CCDC66: variants seen among roughly 807,000 people sequenced by gnomAD.
CCDC66 encodes the protein coiled-coil domain containing 66, also known as coiled-coil domain-containing protein 66.
CCDC66 carries 133 observed loss-of-function variants against 128.3 expected under a neutral mutation model. The ratio of observed to expected loss-of-function variants is 1.04; its 90% CI spans 0.90 to 1.20. The LOEUF is 1.20. Among genes scored for constraint, CCDC66 ranks in the 50% most tolerant of loss-of-function variants. The pLI, the probability that CCDC66 is intolerant of heterozygous loss-of-function variation, is 0.00. For synonymous variants in CCDC66, 387 were observed against 357.0 expected, an observed-to-expected ratio of 1.08 and a Z score of -0.95; for missense variants, 1,126 against 1,075.5, an observed-to-expected ratio of 1.05 and a Z score of -0.66.
intron 10 of CCDC66, among the ~76,000 whole-genome samples, chr3:56,612,715 G>A (rs778782313): frequency 3.9e-5 from 6 of 152,162 alleles, no homozygotes; most frequent in Admixed American, 6.5e-5. Flanking sequence ...GTGGGTGCCA[G>A]CTGTGATGGT....
At position 56,559,559 on chromosome 3, in the gene CCDC66, T is replaced by G; in HGVS notation, c.77-10T>G. The G allele has an allele frequency of 6.6e-7, 1 of 1,523,904 alleles. No individual in the cohort carries two copies. Among genetic ancestry groups the G allele is most frequent in the South Asian group, 1.2e-5 (1 of 80,208 alleles). The allele number at this position is 1,523,904 out of a possible 1,614,324, so 94.4% of individuals were successfully genotyped here. A position where few individuals can be genotyped will look rare whatever the true frequency, so the allele number is the denominator to read the frequency against. On this transcript the variant is annotated splice_polypyrimidine_tract_variant and intron_variant, in intron 2 of 17. Transcript: ENST00000394672. ...GTGGATAGTTTAGTAATTTCTTTTT[T>G]CTTTTGTAGAACATAAATCAAAAAT...
At position 56,617,444 on chromosome 3, in the gene CCDC66, CAGAG is replaced by C; in HGVS notation, c.2180_2183del (p.Arg727LysfsTer5). The C allele has an allele frequency of 6.2e-7, 1 of 1,613,678 alleles. No homozygotes were observed. Among genetic ancestry groups the C allele is most frequent in the Non-Finnish European group, 8.5e-7 (1 of 1,179,890 alleles). On this transcript the variant is annotated frameshift_variant, in exon 14 of 18. Coordinates refer to ENST00000394672, the MANE Select transcript of CCDC66 (RefSeq NM_001141947.3). LOFTEE classifies it high-confidence loss of function. ...AAAGTACCCTAAACAGCTTCAAAAG[CAGAG>C]AGAAGAAAAAAAAGTAAGGAGGCAG...
At chr3:56,595,836 T>C (rs1304462166) in intron 10 of CCDC66, among the ~76,000 whole-genome samples, 1 of 152,246 alleles carries the variant, frequency 6.6e-6, no homozygotes, top group Non-Finnish European at 1.5e-5. Flanking sequence ...TTATTTACAT[T>C]CCCACTAACA....
At chr3:56,588,082 T>C (rs2070140184) in intron 7 of CCDC66, among the ~76,000 whole-genome samples, 1 of 152,088 alleles carries the variant, frequency 6.6e-6, no homozygotes, top group South Asian at 2.1e-4. Context: ...AACTGTGAGA[T>C]AGATATAGAT....
In CCDC66 at chr3:56,558,872, T is replaced by C. The variant is rs775041959; in HGVS notation, c.38T>C (p.Leu13Ser). 2 of 1,549,766 alleles carry C rather than the reference T, an allele frequency of 1.3e-6. No individual in the cohort carries two copies. Among genetic ancestry groups the C allele is most frequent in the South Asian group, 2.4e-5 (2 of 83,932 alleles). Residue 13 changes from leucine (L) to serine (S), a missense_variant, in exon 2 of 18, where the codon TTA (leucine) becomes TCA (serine). Transcript: ENST00000394672. The part of the protein sequence containing the change: ...LGDGLKLETE[L>S]LDGKTKLILS... ...GATGGTTTAAAGCTTGAAACTGAAT[T>C]ACTGGATGGAAAAACCAAGCTAATA...
At chr3:56,563,267 A>G (rs1031598489) in intron 3 of CCDC66, among the ~76,000 whole-genome samples, 1 of 152,052 alleles carries the variant, frequency 6.6e-6, no homozygotes, top group Non-Finnish European at 1.5e-5. Context: ...TGGCTGAGGC[A>G]GGAGAATTGC....
rs746553341 is a variant in CCDC66 at position 56,566,771 on chromosome 3, C to T, written c.710+12C>T. 5.1e-5 allele frequency: 82 copies of T among 1,603,034 alleles called. No individual in the cohort carries two copies. The highest frequency in any genetic ancestry group is 6.0e-6 in the Non-Finnish European group (7 of 1,174,362). ...CAAAAAATTGCCATGTATGTAACTC[C>T]TATCTGTTGTTATTGTGTGGTCATC... On this transcript the variant is annotated intron_variant, in intron 5 of 17. Transcript: ENST00000394672.
intron 10 of CCDC66, among the ~76,000 whole-genome samples, chr3:56,607,174 T>G (rs542101062): frequency 6.6e-6 from 1 of 152,316 alleles, no homozygotes; most frequent in Admixed American, 6.5e-5. Flanking sequence ...TCTAACTCTG[T>G]GAAGAATGAT....
rs1015329 is a variant in CCDC66 at position 56,619,853 on chromosome 3, T to C, written c.2712T>C (p.Asn904=). ...DPLLNPNMVK[N]RDRQQAILKG... is the part of the protein sequence containing the mutation. ...TTCTTAATCCTAACATGGTGAAAAA[T>C]AGGGATCGACAGCAAGCAATCCTTA... Residue 904 remains asparagine (N), a synonymous_variant, in exon 17 of 18, where the codon AAT becomes AAC. Coordinates refer to ENST00000394672, the MANE Select transcript of CCDC66 (RefSeq NM_001141947.3). 4,906 of 1,614,052 alleles carry C rather than the reference T, an allele frequency of 3.0e-3. 133 individuals carry two copies. The African/African-American group carries it at 0.057, about 19-fold the overall frequency.
intron 7 of CCDC66, among the ~76,000 whole-genome samples, chr3:56,585,095 AGGGAGACCATGGGGAGGGGGAGG>A: frequency 7.7e-6 from 1 of 130,642 alleles, no homozygotes; most frequent in South Asian, 2.8e-4. Context: ...AGAGAGGGAG[AGGGAGACCATGGGGAGGGGGAGG>A]GGGAGAGGGA....
Position 56,563,861 on chromosome 3 carries a change from G to T in CCDC66, c.280G>T (p.Asp94Tyr). 3.1e-6 allele frequency: 5 copies of T among 1,596,214 alleles called. No homozygotes were observed. Among genetic ancestry groups the T allele is most frequent in the Non-Finnish European group, 4.3e-6 (5 of 1,169,990 alleles). ...TGGAATGACTTTTTCATCCACTAAG[G>T]ATTTATGTAAACAATGTATAGATAA... ...KNGMTFSSTK[D>Y]LCKQCIDKDC... The change falls in exon 4 of 18, where the codon GAT (aspartate) becomes TAT (tyrosine). Residue 94 changes from aspartate to tyrosine, a missense_variant. By Grantham distance (160) the Asp-to-Tyr change is radical. Coordinates refer to ENST00000394672, the MANE Select transcript of CCDC66 (RefSeq NM_001141947.3).
At chr3:56,615,877 A>G in intron 12 of CCDC66, 45 bp from the exon 13 acceptor site, 1 of 1,502,666 alleles carries the variant, frequency 6.7e-7, no homozygotes, top group Non-Finnish European at 9.0e-7. Context: ...AATTTTTATT[A>G]ATATTCCTTA....
intron 3 of CCDC66, chr3:56,561,171 T>C (rs2065050273): frequency 2.2e-6 from 1 of 452,714 alleles, no homozygotes; most frequent in Non-Finnish European, 4.4e-6. Context: ...ACTGCTGTTA[T>C]TTGAAACACA....
intron 10 of CCDC66, among the ~76,000 whole-genome samples, chr3:56,599,746 C>T (rs187719016): frequency 6.6e-6 from 1 of 152,006 alleles, no homozygotes; most frequent in Non-Finnish European, 1.5e-5. Flanking sequence ...TGAGAAGATA[C>T]TTGATATGAA....
rs769013881 is a variant in CCDC66 at position 56,617,212 on chromosome 3, ACTT to A, written c.1945_1947del (p.Leu649del). ...GTTCATCTCCTGAGATTTCGGCAGA[ACTT>A]ATTGGACAGTTTAGCACCAAGAAAA... On this transcript the variant is annotated inframe_deletion, in exon 14 of 18. Transcript: ENST00000394672. The A allele has an allele frequency of 2.5e-6, 4 of 1,613,830 alleles. No individual in the cohort carries two copies. The highest frequency in any genetic ancestry group is 3.4e-6 in the Non-Finnish European group (4 of 1,179,912).
At chr3:56,620,633 T>C (rs2107482886) in intron 17 of CCDC66, 1 of 152,352 alleles carries the variant, frequency 6.6e-6, no homozygotes, top group South Asian at 2.1e-4. Flanking sequence ...CCCACTTTGG[T>C]CTATTTACTC....
intron 10 of CCDC66, among the ~76,000 whole-genome samples, chr3:56,598,346 A>T (rs1226647734): frequency 7.1e-6 from 1 of 141,780 alleles, no homozygotes; most frequent in African/African-American, 2.5e-5. Flanking sequence ...GGGACTTTTT[A>T]TTTTATTTTA....
intron 10 of CCDC66, among the ~76,000 whole-genome samples, chr3:56,608,819 A>G (rs2074417465): frequency 6.6e-6 from 1 of 152,144 alleles, no homozygotes; most frequent in African/African-American, 2.4e-5. Flanking sequence ...ACTGTCGTTC[A>G]GTTCAAAGAA....
intron 10 of CCDC66, among the ~76,000 whole-genome samples, chr3:56,611,338 C>T (rs913243351): frequency 2.0e-5 from 3 of 151,882 alleles, no homozygotes; most frequent in Admixed American, 2.0e-4. Context: ...TGCAGGTTGT[C>T]AGGGAAGTGG....
Sources: allele counts gnomAD v4.1 joint callset (sites outside exome capture counted in the v4.1 genomes callset), GRCh38; gene constraint gnomAD v4.1.1; transcripts MANE v1.5; gene names NCBI Gene and HGNC (gene_info 2026-07-23, HGNC 2026-07-21).